The following XNDC1N variants were observed in gnomAD, a reference collection of about 807,000 sequenced individuals.
The protein encoded by XNDC1N is protein XNDC1N.
chr11:71,895,339 C>T, the XNDC1N span, among the ~76,000 whole-genome samples: 1 of 151,818 alleles, frequency 6.6e-6, no homozygotes, highest in South Asian at 2.1e-4. Flanking sequence ...GTCAGAGTTT[C>T]ACTCTTGTTG....
the XNDC1N span, among the ~76,000 whole-genome samples, chr11:71,911,370 A>C: frequency 6.6e-6 from 1 of 152,144 alleles, no homozygotes; most frequent in Non-Finnish European, 1.5e-5. Flanking sequence ...ATTGTGTAGA[A>C]GTGTTGGACT....
chr11:71,905,968 C>T, the XNDC1N span, among the ~76,000 whole-genome samples: 234 of 152,044 alleles, frequency 1.5e-3, no homozygotes, highest in African/African-American at 5.5e-3. Flanking sequence ...TAGCATCCCC[C>T]TACAATATTG....
chr11:71,896,982 C>A, the XNDC1N span, among the ~76,000 whole-genome samples: 576 of 152,170 alleles, frequency 3.8e-3, 5 homozygotes, highest in African/African-American at 0.013. Flanking sequence ...ATTGGTGGAA[C>A]AGCAGCCTTT....
chr11:71,919,384 G>C, the XNDC1N span, among the ~76,000 whole-genome samples: 2 of 94,536 alleles, frequency 2.1e-5, no homozygotes, highest in Non-Finnish European at 3.8e-5. Flanking sequence ...TCGGAAAGCA[G>C]AGCTCTTTTT....
At chr11:71,888,485 G>T in the XNDC1N span, among the ~76,000 whole-genome samples, 6 of 152,180 alleles carry the variant, frequency 3.9e-5, no homozygotes, top group Admixed American at 3.9e-4. Context: ...ACCTCTGGCA[G>T]CCCCAGCCCT....
the XNDC1N span, among the ~76,000 whole-genome samples, chr11:71,888,198 C>T: frequency 6.6e-6 from 1 of 152,168 alleles, no homozygotes; most frequent in Admixed American, 6.5e-5. Context: ...AAGCTCAGAT[C>T]TGCTGACAGA....
the XNDC1N span, among the ~76,000 whole-genome samples, chr11:71,875,755 G>A: frequency 2.5e-3 from 385 of 152,296 alleles, no homozygotes; most frequent in Middle Eastern, 0.014. Flanking sequence ...CGCCGGGCAC[G>A]TAGCTCACTG....
At chr11:71,907,542 C>A in the XNDC1N span, among the ~76,000 whole-genome samples, 3 of 152,020 alleles carry the variant, frequency 2.0e-5, no homozygotes, top group Non-Finnish European at 4.4e-5. Context: ...ATCACCTCCC[C>A]CTCTGGAGAT....
At chr11:71,912,057 C>G in the XNDC1N span, among the ~76,000 whole-genome samples, 67 of 152,310 alleles carry the variant, frequency 4.4e-4, no homozygotes, top group Non-Finnish European at 7.8e-4. Flanking sequence ...CAAGAAACCA[C>G]CCATCGAGGT....
At chr11:71,867,470 G>A in the XNDC1N span, among the ~76,000 whole-genome samples, 774 of 152,018 alleles carry the variant, frequency 5.1e-3, 11 homozygotes, top group African/African-American at 0.018. Context: ...CATGAACACA[G>A]AAACACCGCC....
chr11:71,904,795 T>C, the XNDC1N span, among the ~76,000 whole-genome samples: 1 of 151,982 alleles, frequency 6.6e-6, no homozygotes, highest in African/African-American at 2.4e-5. Context: ...CAGGTGTACA[T>C]ATATGGTGTT....
chr11:71,869,746 C>T, the XNDC1N span, among the ~76,000 whole-genome samples: 1,486 of 152,284 alleles, frequency 9.8e-3, 13 homozygotes, highest in African/African-American at 0.034. Flanking sequence ...ATATGTCTGT[C>T]ATTTCAGCCC....
the XNDC1N span, among the ~76,000 whole-genome samples, chr11:71,902,897 G>A: frequency 2.0e-5 from 3 of 152,086 alleles, no homozygotes; most frequent in Non-Finnish European, 4.4e-5. Context: ...TAGCAATTAC[G>A]AATTTGTTAT....
chr11:71,903,240 T>A, the XNDC1N span: 1 of 969,124 alleles, frequency 1.0e-6, no homozygotes. Context: ...CTCCTCGAAC[T>A]CTCAGAGGAT....
At chr11:71,910,161 C>T in the XNDC1N span, among the ~76,000 whole-genome samples, 1 of 152,180 alleles carries the variant, frequency 6.6e-6, no homozygotes, top group Admixed American at 6.5e-5. Context: ...ATGGAACACT[C>T]CCCTCCTGCC....
the XNDC1N span, chr11:71,917,098 C>A: frequency 1.1e-5 from 3 of 279,430 alleles, no homozygotes; most frequent in Non-Finnish European, 2.1e-5. Context: ...ATTGTAACCT[C>A]TGCCTCCCAG....
At chr11:71,922,355 T>A in the XNDC1N span, among the ~76,000 whole-genome samples, 3 of 152,176 alleles carry the variant, frequency 2.0e-5, no homozygotes, top group Non-Finnish European at 4.4e-5. Flanking sequence ...CAGGCTGGAG[T>A]GCAGTGGCAC....
the XNDC1N span, chr11:71,903,077 A>G: frequency 5.6e-6 from 3 of 538,394 alleles, no homozygotes; most frequent in African/African-American, 5.7e-5. Context: ...ATCTGAAAAC[A>G]TTACTTGTGA....
chr11:71,909,550 G>C, the XNDC1N span, among the ~76,000 whole-genome samples: 1 of 152,194 alleles, frequency 6.6e-6, no homozygotes, highest in Non-Finnish European at 1.5e-5. Flanking sequence ...AGGGAGACCC[G>C]GCTCAAGCGT....
Sources: allele counts gnomAD v4.1 joint callset (sites outside exome capture counted in the v4.1 genomes callset), GRCh38; gene constraint gnomAD v4.1.1; transcripts MANE v1.5; gene names NCBI Gene and HGNC (gene_info 2026-07-23, HGNC 2026-07-21).